DLST: variants seen among roughly 807,000 people sequenced by gnomAD.
DLST encodes the protein dihydrolipoamide S-succinyltransferase.
In DLST, 17 loss-of-function variants were observed where a neutral mutation model predicts 53.1. That is an observed-to-expected ratio of 0.32 (90% CI 0.22 to 0.48). The LOEUF (loss-of-function observed/expected upper bound fraction) is 0.48. Ranked by LOEUF, DLST falls within the 20% of genes least tolerant of loss-of-function variation. The probability of loss-of-function intolerance (pLI) is 0.99; values close to 1 mark genes in which losing one functional copy is unlikely to be tolerated. For missense variants in DLST, 512 were observed against 583.9 expected, an observed-to-expected ratio of 0.88 and a Z score of 1.27; for synonymous variants, 206 against 204.8, an observed-to-expected ratio of 1.01 and a Z score of -0.05.
chr14:74,898,616 A>G, intron 11 of DLST, 117 bp downstream of exon 11: 3 of 1,256,666 alleles, frequency 2.4e-6, no homozygotes, highest in Non-Finnish European at 3.2e-6. Flanking sequence ...ACCTATAGAA[A>G]TATCAGTATC....
In DLST at chr14:74,888,254, T is replaced by G. The variant is rs1159029513; in HGVS notation, c.147-841T>G. ...TAGGAGATACCATATGGGGTTTGTG[T>G]GTGGTTTTTTTGTTTTTGGGTTTTT... On this transcript the variant is annotated intron_variant, in intron 3 of 14. Coordinates refer to ENST00000334220, the MANE Select transcript of DLST (RefSeq NM_001933.5). Among the ~76,000 whole-genome samples the G allele has an allele frequency of 2.0e-5, 3 of 150,756 alleles. No individual in the cohort carries two copies. In the Admixed American group the frequency reaches 2.0e-4, roughly 10 times the overall value.
chr14:74,902,083 C>G (rs1451563358), intron 14 of DLST, 113 bp from the exon 15 acceptor site: 5 of 1,177,474 alleles, frequency 4.2e-6, no homozygotes, highest in Non-Finnish European at 5.7e-6. Context: ...GAGGCAACAT[C>G]AATAGGAAAG....
rs1200294098 is a variant in DLST, at chr14:74,894,343, C to T, written c.704C>T (p.Ala235Val). 1.5e-5 allele frequency: 25 copies of T among 1,614,040 alleles called. No individual in the cohort carries two copies. The highest frequency in any genetic ancestry group is 1.9e-5 in the Non-Finnish European group (23 of 1,180,026). ...EKMNRMRQRI[A>V]QRLKEAQNTC... Reference sequence around the variant, plus strand: ...ATGAACAGGATGCGGCAGCGCATTGCTCAGCGTCTGAAGGAGGCCCAGAAT... The same window carrying T: ...ATGAACAGGATGCGGCAGCGCATTGTTCAGCGTCTGAAGGAGGCCCAGAAT... Residue 235 changes from alanine (A) to valine (V), a missense_variant, in exon 10 of 15, where the codon GCT becomes GTT. By Grantham distance (64) the Ala-to-Val change is moderately conservative. This residue lies in a region of DLST where 162 missense variants were observed against 162.0 expected (regional missense o/e 1.00). Transcript: ENST00000334220.
chr14:74,885,608 A>G lies in DLST; in HGVS notation c.120A>G (p.Pro40=), dbSNP rs768785226. Residue 40 remains proline, a synonymous_variant, in exon 3 of 15, where the codon CCA becomes CCG. Coordinates refer to ENST00000334220, the MANE Select transcript of DLST (RefSeq NM_001933.5). ...SLPGVSLCQG[P]GYPNSRKVVI... ...CAGGGGTCTCCTTATGCCAGGGACCAGGTTACCCTAACAGCAGGAAGGTTG... is the reference window on the plus strand; with the variant it reads ...CAGGGGTCTCCTTATGCCAGGGACCGGGTTACCCTAACAGCAGGAAGGTTG... 4.3e-6 allele frequency: 7 copies of G among 1,613,950 alleles called. No individual in the cohort carries two copies. The Admixed American group carries it at 1.2e-4, about 27-fold the overall frequency.
chr14:74,897,220 A>G (rs1030002968), intron 10 of DLST, among the ~76,000 whole-genome samples: 3 of 152,168 alleles, frequency 2.0e-5, no homozygotes, highest in East Asian at 1.9e-4. Context: ...AGCATTTTAA[A>G]CCCAATCAGT....
rs781463372 is a variant in DLST, at chr14:74,892,947, C to G, written c.556C>G (p.Pro186Ala). 28 of 1,613,914 alleles carry G rather than the reference C, an allele frequency of 1.7e-5. No individual in the cohort carries two copies. The African/African-American group carries it at 3.6e-4, about 21-fold the overall frequency. The change falls in exon 8 of 15, where the codon CCG (proline) becomes GCG (alanine). Residue 186 changes from proline to alanine, a missense_variant. Around this residue, in one of 4 missense-constraint regions of DLST, gnomAD observed 162 missense variants for 162.0 expected, o/e 1.00. Coordinates refer to ENST00000334220, the MANE Select transcript of DLST (RefSeq NM_001933.5). ...AGCACCCATACCCACTCAGATGCCA[C>G]CGGTGCCCTCGCCCTCACAGCCTCC... ...PAAPIPTQMP[P>A]VPSPSQPPSG...
chr14:74,897,302 A>C (rs1465319515), intron 10 of DLST, among the ~76,000 whole-genome samples: 8 of 152,240 alleles, frequency 5.3e-5, no homozygotes, highest in African/African-American at 1.9e-4. Flanking sequence ...ACCACATCTT[A>C]CCTTTCATGC....
chr14:74,901,062 T>C lies in DLST; in HGVS notation c.1060-4T>C. ...GATATTTCAATTATGAAATCTGTTT[T>C]TAGGCCCGAAAGAATGAACTTGCCA... On this transcript the variant is annotated splice_region_variant and splice_polypyrimidine_tract_variant and intron_variant, in intron 13 of 14. Transcript: ENST00000334220. The C allele has an allele frequency of 6.2e-7, 1 of 1,613,536 alleles. No homozygotes were observed. Among genetic ancestry groups the C allele is most frequent in the Non-Finnish European group, 8.5e-7 (1 of 1,179,784 alleles).
In DLST at chr14:74,901,046, A is replaced by C. The variant is rs375939379; in HGVS notation, c.1060-20A>C. 7 of 1,612,096 alleles carry C rather than the reference A, an allele frequency of 4.3e-6. No individual in the cohort carries two copies. The highest frequency in any genetic ancestry group is 2.2e-5 in the South Asian group (2 of 90,898). ...GAAACTGGGTTGGCTTGATATTTCA[A>C]TTATGAAATCTGTTTTTAGGCCCGA... On this transcript the variant is annotated intron_variant, in intron 13 of 14. Coordinates refer to ENST00000334220, the MANE Select transcript of DLST (RefSeq NM_001933.5).
Position 74,901,248 on chromosome 14 carries a change from T to C in DLST, c.1227+15T>C. 2 of 1,610,204 alleles carry C rather than the reference T, an allele frequency of 1.2e-6. No individual in the cohort carries two copies. The highest frequency in any genetic ancestry group is 1.7e-6 in the Non-Finnish European group (2 of 1,178,246). On this transcript the variant is annotated intron_variant, in intron 14 of 14. Coordinates refer to ENST00000334220, the MANE Select transcript of DLST (RefSeq NM_001933.5). Reference sequence around the variant, plus strand: ...TAGGAGGCAAGGTAGGAACCGTCACTTCTAAGGTCCTAGTGGCTAGGTCTC... The same window carrying C: ...TAGGAGGCAAGGTAGGAACCGTCACCTCTAAGGTCCTAGTGGCTAGGTCTC...
chr14:74,895,025 C>A (rs1459231299), intron 10 of DLST, among the ~76,000 whole-genome samples: 1 of 151,996 alleles, frequency 6.6e-6, no homozygotes, highest in East Asian at 1.9e-4. Context: ...TCCAGGAGTT[C>A]AAGACCAGCT....
At chr14:74,896,291 A>G (rs958231275) in intron 10 of DLST, among the ~76,000 whole-genome samples, 1 of 152,260 alleles carries the variant, frequency 6.6e-6, no homozygotes, top group Non-Finnish European at 1.5e-5. Flanking sequence ...ATTGTCAAAA[A>G]TCATTTCTGT....
At chr14:74,894,604 G>T (rs1884018597) in intron 10 of DLST, among the ~76,000 whole-genome samples, 195 bp downstream of exon 10, 1 of 152,078 alleles carries the variant, frequency 6.6e-6, no homozygotes, top group African/African-American at 2.4e-5. Context: ...GGAGTGCAGT[G>T]GCATGATCTC....
In DLST at chr14:74,903,228, T is replaced by G. The variant is rs780467747; in HGVS notation, c.*898T>G. 4 of 152,486 alleles carry G rather than the reference T, an allele frequency of 2.6e-5. No homozygotes were observed. Among genetic ancestry groups the G allele is most frequent in the African/African-American group, 4.8e-5 (2 of 41,360 alleles). The allele number at this position is 152,486 out of a possible 1,614,324, so 9.4% of individuals were successfully genotyped here. A position where few individuals can be genotyped will look rare whatever the true frequency, so the allele number is the denominator to read the frequency against. On this transcript the variant is annotated 3_prime_UTR_variant, in exon 15 of 15. Coordinates refer to ENST00000334220, the MANE Select transcript of DLST (RefSeq NM_001933.5). ...CCTGGTAGAGACTAGGGAAGGGAGG[T>G]CTCCTCTAGACTGACTCACATTGCC...
intron 10 of DLST, among the ~76,000 whole-genome samples, chr14:74,897,942 T>G (rs1594880595): frequency 1.3e-5 from 2 of 151,836 alleles, no homozygotes; most frequent in Non-Finnish European, 2.9e-5. Flanking sequence ...GGTGGGGTTT[T>G]TTTTTTTTTT....
At chr14:74,898,531 CCTGGGAGGTA>C (rs751919179) in intron 11 of DLST, 32 bp downstream of exon 11, 2 of 1,610,612 alleles carry the variant, frequency 1.2e-6, no homozygotes, top group East Asian at 4.5e-5. Flanking sequence ...TTGGAGAGGT[CCTGGGAGGTA>C]GGTGTATGAG....
chr14:74,894,256 G>T, intron 9 of DLST, 56 bp from the exon 10 acceptor site: 1 of 1,599,134 alleles, frequency 6.3e-7, no homozygotes. Flanking sequence ...ACTACACGGG[G>T]AATGCTTGAC....
At chr14:74,888,470 GACTC>G (rs1194763889) in intron 3 of DLST, among the ~76,000 whole-genome samples, 3 of 152,008 alleles carry the variant, frequency 2.0e-5, no homozygotes, top group African/African-American at 7.2e-5. Flanking sequence ...TGGACATGGT[GACTC>G]ACTCCTGTAA....
intron 11 of DLST, 106 bp from the exon 12 acceptor site, chr14:74,899,817 C>A: frequency 1.1e-6 from 1 of 872,338 alleles, no homozygotes; most frequent in Non-Finnish European, 1.8e-6. Context: ...GGTCAGCCCA[C>A]ACTGTATCAA....
Sources: gnomAD v4.1 joint callset for allele counts (sites outside exome capture counted in the v4.1 genomes callset) on GRCh38, gnomAD v4.1.1 for gene constraint, gnomAD v4.1.1 regional missense constraint, MANE v1.5 for transcripts, NCBI Gene and HGNC (gene_info 2026-07-23, HGNC 2026-07-21) for gene names.